Variants in ADAM2 observed in about 807,000 individuals in gnomAD.
ADAM2 encodes the protein ADAM metallopeptidase domain 2.
ADAM2 carries 101 observed loss-of-function variants against 99.3 expected under a neutral mutation model. That is an observed-to-expected ratio of 1.02 (90% CI 0.87 to 1.20). The LOEUF (loss-of-function observed/expected upper bound fraction) is 1.20. ADAM2 is among the 50% of genes most tolerant of loss of function. ADAM2 has a pLI of 0.00. For missense variants in ADAM2, 948 were observed against 878.7 expected (o/e 1.08, Z -1.00); for synonymous variants, 323 against 287.6 (o/e 1.12, Z -1.25).
intron 10 of ADAM2, among the ~76,000 whole-genome samples, chr8:39,786,734 A>G (rs1482631606): frequency 6.6e-6 from 1 of 152,088 alleles, no homozygotes; most frequent in Admixed American, 6.6e-5. Flanking sequence ...AGTAAGACTA[A>G]ACTAGTTCAC....
At chr8:39,821,772 T>C (rs957138725) in intron 4 of ADAM2, 110 bp from the exon 5 acceptor site, 10 of 723,536 alleles carry the variant, frequency 1.4e-5, no homozygotes, top group East Asian at 5.5e-5. Context: ...AACACTCATG[T>C]TTCAAAAATG....
intron 6 of ADAM2, among the ~76,000 whole-genome samples, chr8:39,810,468 C>G (rs776940461): frequency 4.6e-5 from 7 of 152,186 alleles, no homozygotes; most frequent in African/African-American, 1.7e-4. Context: ...CACCCCAAAT[C>G]AACAGAATAT....
chr8:39,835,673 C>T (rs1322186790), intron 2 of ADAM2, among the ~76,000 whole-genome samples: 1 of 130,892 alleles, frequency 7.6e-6, no homozygotes, highest in Non-Finnish European at 1.7e-5. Context: ...ACAAGCAAGA[C>T]TCCGTCTCAA....
chr8:39,817,299 T>C (rs1371401458), intron 6 of ADAM2, among the ~76,000 whole-genome samples: 1 of 151,810 alleles, frequency 6.6e-6, no homozygotes, highest in Non-Finnish European at 1.5e-5. Context: ...CTCATAGAAG[T>C]AGAGAGTGAC....
At chr8:39,795,921 A>G (rs770074341) in intron 7 of ADAM2, among the ~76,000 whole-genome samples, 8 of 152,172 alleles carry the variant, frequency 5.3e-5, no homozygotes, top group Non-Finnish European at 1.0e-4. Context: ...AATTAGGCCC[A>G]AGTTTAATGA....
chr8:39,814,645 G>A (rs1247204452), intron 6 of ADAM2, among the ~76,000 whole-genome samples: 1 of 152,024 alleles, frequency 6.6e-6, no homozygotes, highest in African/African-American at 2.4e-5. Flanking sequence ...AAAAATGTAG[G>A]TGATTGATTT....
chr8:39,780,927 G>A (rs111420921), intron 10 of ADAM2, among the ~76,000 whole-genome samples: 3 of 151,744 alleles, frequency 2.0e-5, no homozygotes, highest in African/African-American at 7.2e-5. Flanking sequence ...TTTTACAGTT[G>A]AAACTAAAAC....
chr8:39,813,211 T>C (rs988252425), intron 6 of ADAM2, among the ~76,000 whole-genome samples: 3 of 152,068 alleles, frequency 2.0e-5, no homozygotes, highest in African/African-American at 2.4e-5. Flanking sequence ...AAGTCAAAAC[T>C]ACAATGAGAT....
intron 15 of ADAM2, among the ~76,000 whole-genome samples, chr8:39,760,412 G>C (rs1802302354): frequency 6.6e-6 from 1 of 152,134 alleles, no homozygotes; most frequent in Non-Finnish European, 1.5e-5. Context: ...TCTGGCTGTA[G>C]AGCACATGTT....
chr8:39,796,040 T>C (rs1362964250), intron 7 of ADAM2, among the ~76,000 whole-genome samples: 1 of 151,956 alleles, frequency 6.6e-6, no homozygotes, highest in Non-Finnish European at 1.5e-5. Context: ...GTATATACAC[T>C]CATTATTAGA....
intron 7 of ADAM2, among the ~76,000 whole-genome samples, chr8:39,808,513 G>A (rs1455088207): frequency 2.0e-5 from 3 of 152,096 alleles, no homozygotes; most frequent in African/African-American, 7.2e-5. Flanking sequence ...TTGATCTATA[G>A]AATTAACACA....
At chr8:39,829,637 C>T (rs1302771516) in intron 3 of ADAM2, among the ~76,000 whole-genome samples, 1 of 151,860 alleles carries the variant, frequency 6.6e-6, no homozygotes, top group African/African-American at 2.4e-5. Flanking sequence ...TGTAACTTAA[C>T]CCATCAGTAT....
At chr8:39,825,982 G>A (rs1244293427) in intron 3 of ADAM2, among the ~76,000 whole-genome samples, 1 of 152,022 alleles carries the variant, frequency 6.6e-6, no homozygotes, top group African/African-American at 2.4e-5. Context: ...GGGTACTATG[G>A]ACATTTTAGC....
chr8:39,807,485 A>T (rs1804488495), intron 7 of ADAM2, among the ~76,000 whole-genome samples: 1 of 152,164 alleles, frequency 6.6e-6, no homozygotes, highest in Non-Finnish European at 1.5e-5. Context: ...TCTCTCTCCA[A>T]AATTTCATAT....
intron 4 of ADAM2, among the ~76,000 whole-genome samples, chr8:39,822,165 T>G (rs922888334): frequency 4.6e-5 from 7 of 152,166 alleles, no homozygotes; most frequent in African/African-American, 1.7e-4. Context: ...ATTTAGAAAT[T>G]TATGTGAAAA....
intron 7 of ADAM2, among the ~76,000 whole-genome samples, chr8:39,801,468 A>T (rs560652469): frequency 2.6e-5 from 4 of 151,926 alleles, no homozygotes; most frequent in Admixed American, 6.6e-5. Context: ...GGGTCTGACA[A>T]CCCCTCTTGG....
At position 39,809,409 on chromosome 8, in the gene ADAM2, C is replaced by A. The variant is rs1429614937; in HGVS notation, c.570+1G>T. On this transcript the variant is annotated splice_donor_variant, in intron 7 of 20. Transcript: ENST00000265708. LOFTEE classifies it high-confidence loss of function. ...ACATAAATAAATCAGAATATACTTA[C>A]CAATTGTTTTTCAACTATAACATGC... 3 of 1,184,214 alleles carry A rather than the reference C, an allele frequency of 2.5e-6. No homozygotes were observed. The highest frequency in any genetic ancestry group is 3.7e-6 in the Non-Finnish European group (3 of 803,686). The allele number at this position is 1,184,214 out of a possible 1,614,324, so 73.4% of individuals were successfully genotyped here.
chr8:39,791,205 T>A (rs1188434326), intron 7 of ADAM2, among the ~76,000 whole-genome samples: 1 of 152,032 alleles, frequency 6.6e-6, no homozygotes, highest in Non-Finnish European at 1.5e-5. Flanking sequence ...CCAGTTTTAA[T>A]AAAAACAGAA....
At chr8:39,820,766 C>T (rs1485753746) in intron 6 of ADAM2, among the ~76,000 whole-genome samples, 1 of 152,048 alleles carries the variant, frequency 6.6e-6, no homozygotes, top group African/African-American at 2.4e-5. Context: ...GTCTAGATTA[C>T]AGAAAAAGAT....
Sources: gnomAD v4.1 joint callset for allele counts (sites outside exome capture counted in the v4.1 genomes callset) on GRCh38, gnomAD v4.1.1 for gene constraint, MANE v1.5 for transcripts, NCBI Gene and HGNC (gene_info 2026-07-23, HGNC 2026-07-21) for gene names.